Variants in TBCA observed in about 807,000 individuals in gnomAD.
TBCA encodes the protein tubulin folding cofactor A, also known as tubulin-specific chaperone A.
TBCA carries 6 observed loss-of-function variants against 15.8 expected under a neutral mutation model. The ratio of observed to expected loss-of-function variants is 0.38; its 90% confidence interval spans 0.21 to 0.75. TBCA has a LOEUF of 0.75. Among genes scored for constraint, TBCA ranks in the 30% least tolerant of loss-of-function variants. TBCA has a pLI of 0.46. For missense variants in TBCA, 90 were observed against 131.2 expected (o/e 0.69, Z 1.53); for synonymous variants, 32 against 42.3 (o/e 0.76, Z 0.94).
intron 1 of TBCA, among the ~76,000 whole-genome samples, chr5:77,739,709 A>C (rs530827557): frequency 1.3e-5 from 2 of 152,326 alleles, no homozygotes; most frequent in South Asian, 4.1e-4. Flanking sequence ...ACTATTCATC[A>C]AATCCTCATC....
chr5:77,745,261 A>G (rs1464136602), intron 1 of TBCA, among the ~76,000 whole-genome samples: 1 of 152,206 alleles, frequency 6.6e-6, no homozygotes, highest in East Asian at 1.9e-4. Context: ...AAGTGATATT[A>G]CCTTACTTTT....
chr5:77,691,979 C>A, intron 3 of TBCA: 1 of 986,194 alleles, frequency 1.0e-6, no homozygotes, highest in Non-Finnish European at 1.2e-6. Flanking sequence ...AAATGAATTG[C>A]CTGCTTGCTA....
At position 77,701,682 on chromosome 5, in the gene TBCA, CATATATATATATATAT is replaced by C. The variant is rs58679612; in HGVS notation, c.159+6544_159+6559del. ...CAACAAGTGGATAAACTGTGGCATG[CATATATATATATATAT>C]ATATATATATATATATATATATATA... On this transcript the variant is annotated intron_variant, in intron 2 of 3. Transcript: ENST00000380377. Among the ~76,000 whole-genome samples, 343 of 50,982 alleles carry C rather than the reference CATATATATATATATAT, an allele frequency of 6.7e-3. 4 individuals carry two copies. The highest frequency in any genetic ancestry group is 0.013 in the African/African-American group (177 of 13,142). 33.4% of individuals were successfully genotyped at this position (50,982 alleles called of 152,430 possible). A position where few individuals can be genotyped will look rare whatever the true frequency, so the allele number is the denominator to read the frequency against.
At chr5:77,703,073 T>C (rs1746060486) in intron 2 of TBCA, among the ~76,000 whole-genome samples, 1 of 152,204 alleles carries the variant, frequency 6.6e-6, no homozygotes, top group Non-Finnish European at 1.5e-5. Flanking sequence ...TCATTGTAAA[T>C]GTTCACTCTT....
chr5:77,760,922 TCG>T, intron 1 of TBCA, among the ~76,000 whole-genome samples: 1 of 143,470 alleles, frequency 7.0e-6, no homozygotes, highest in Non-Finnish European at 1.5e-5. Flanking sequence ...TGGCCACCCA[TCG>T]TCTGGGAAGG....
chr5:77,705,909 T>C (rs1316318592), intron 2 of TBCA, among the ~76,000 whole-genome samples: 2 of 152,168 alleles, frequency 1.3e-5, no homozygotes, highest in Non-Finnish European at 2.9e-5. Flanking sequence ...TCCCTCAATT[T>C]ATGAGTATCT....
intron 1 of TBCA, among the ~76,000 whole-genome samples, chr5:77,719,084 T>C (rs1363598223): frequency 1.3e-5 from 2 of 152,198 alleles, no homozygotes; most frequent in African/African-American, 4.8e-5. Flanking sequence ...AATATATGCC[T>C]CACAGATATA....
intron 1 of TBCA, among the ~76,000 whole-genome samples, chr5:77,716,757 T>C (rs979576590): frequency 1.1e-4 from 17 of 152,210 alleles, no homozygotes; most frequent in Admixed American, 5.9e-4. Flanking sequence ...ATGTGTTCAA[T>C]TACAGCAGGC....
At position 77,719,271 on chromosome 5, in the gene TBCA, G is replaced by A. The variant is rs553464384; in HGVS notation, c.54-10924C>T. Among the ~76,000 whole-genome samples, 8 of 152,268 alleles carry A rather than the reference G, an allele frequency of 5.3e-5. No homozygotes were observed. The East Asian group carries it at 1.5e-3, about 29-fold the overall frequency. On this transcript the variant is annotated intron_variant, in intron 1 of 3. Coordinates refer to ENST00000380377, the MANE Select transcript of TBCA (RefSeq NM_004607.3). ...ACTTCAAGTGTCAATATTTTCTACAGAAAATACAATCGTATGTTTAAAGTA... is the reference window on the plus strand; with the variant it reads ...ACTTCAAGTGTCAATATTTTCTACAAAAAATACAATCGTATGTTTAAAGTA...
At chr5:77,770,483 C>G (rs1747880224) in intron 1 of TBCA, among the ~76,000 whole-genome samples, 1 of 152,110 alleles carries the variant, frequency 6.6e-6, no homozygotes, top group African/African-American at 2.4e-5. Context: ...CTGGGACTTT[C>G]CCAGTTTTAG....
intron 1 of TBCA, among the ~76,000 whole-genome samples, chr5:77,728,318 A>G (rs185837757): frequency 5.1e-4 from 78 of 152,284 alleles, no homozygotes; most frequent in African/African-American, 1.7e-3. Flanking sequence ...GCTTATACAT[A>G]TGATTTACAG....
chr5:77,706,694 C>A (rs1746157282), intron 2 of TBCA, among the ~76,000 whole-genome samples: 1 of 151,638 alleles, frequency 6.6e-6, no homozygotes, highest in Non-Finnish European at 1.5e-5. Flanking sequence ...GCCTGTTAAT[C>A]CCAGCTTCTT....
intron 1 of TBCA, among the ~76,000 whole-genome samples, chr5:77,775,862 C>G (rs1372637652): frequency 6.6e-6 from 1 of 152,222 alleles, no homozygotes; most frequent in Non-Finnish European, 1.5e-5. Context: ...GGCCGGCGCG[C>G]GCACACAGGA....
chr5:77,736,325 G>C (rs1746904274), intron 1 of TBCA, among the ~76,000 whole-genome samples: 1 of 124,610 alleles, frequency 8.0e-6, no homozygotes, highest in South Asian at 2.8e-4. Flanking sequence ...GACAGAGCGA[G>C]ACTCCGTCTC....
At chr5:77,727,921 A>G (rs1377985154) in intron 1 of TBCA, among the ~76,000 whole-genome samples, 1 of 152,186 alleles carries the variant, frequency 6.6e-6, no homozygotes, top group Non-Finnish European at 1.5e-5. Context: ...TAAAGCTAAG[A>G]GTGAAGGCAG....
rs564550496 is a variant in TBCA at position 77,712,446 on chromosome 5, G to A, written c.54-4099C>T. 4.6e-5 allele frequency among the ~76,000 whole-genome samples: 7 copies of A among 152,224 alleles called. No homozygotes were observed. The South Asian group carries it at 1.2e-3, about 27-fold the overall frequency. ...AATCAACAAATTAGTATCTTCTGGT[G>A]AATTTGGCTCCTCTCGTTTGCAGGA... On this transcript the variant is annotated intron_variant, in intron 1 of 3. Transcript: ENST00000380377.
At chr5:77,750,403 G>A (rs1747295740) in intron 1 of TBCA, among the ~76,000 whole-genome samples, 1 of 152,046 alleles carries the variant, frequency 6.6e-6, no homozygotes, top group Non-Finnish European at 1.5e-5. Context: ...GGGCTCTGGG[G>A]ATGTGTTCCT....
chr5:77,714,835 G>A (rs1477319301), intron 1 of TBCA, among the ~76,000 whole-genome samples: 1 of 151,992 alleles, frequency 6.6e-6, no homozygotes, highest in East Asian at 1.9e-4. Flanking sequence ...CAAAGTGCTG[G>A]GATTACAGAC....
intron 1 of TBCA, among the ~76,000 whole-genome samples, chr5:77,725,218 G>A (rs532429156): frequency 5.9e-5 from 9 of 152,218 alleles, no homozygotes; most frequent in African/African-American, 1.9e-4. Flanking sequence ...CATTAGCTGC[G>A]AACCGTAGCG....
Sources: gnomAD v4.1 joint callset for allele counts (sites outside exome capture counted in the v4.1 genomes callset) on GRCh38, gnomAD v4.1.1 for gene constraint, MANE v1.5 for transcripts, NCBI Gene and HGNC (gene_info 2026-07-23, HGNC 2026-07-21) for gene names.